SCN3A: variants seen among roughly 807,000 people sequenced by gnomAD.
SCN3A encodes sodium channel protein type 3 subunit alpha.
Under a neutral mutation model 187.6 loss-of-function variants are expected in SCN3A, and 60 were observed. That is an observed-to-expected ratio of 0.32 (90% confidence interval 0.26 to 0.40). SCN3A has a LOEUF of 0.40. SCN3A is among the 10% of genes least tolerant of loss of function. SCN3A has a pLI of 1.00. For synonymous variants in SCN3A, 788 were observed against 829.2 expected (o/e 0.95, Z 0.85); for missense variants, 1,601 against 2,428.2 (o/e 0.66, Z 7.16).
At chr2:165,111,484 TACACACACACACACACAC>T (rs60417556) in intron 21 of SCN3A, among the ~76,000 whole-genome samples, 4,290 of 142,600 alleles carry the variant, frequency 0.03, 195 homozygotes, top group African/African-American at 0.1. Context: ...GCCAGTCTGA[TACACACACACACACACAC>T]ACACACACAC....
At chr2:165,201,760 T>C (rs899122424) in intron 1 of SCN3A, among the ~76,000 whole-genome samples, 5 of 152,062 alleles carry the variant, frequency 3.3e-5, no homozygotes, top group African/African-American at 1.2e-4. Flanking sequence ...CCTATTTCTC[T>C]ATTTTACCAC....
intron 4 of SCN3A, among the ~76,000 whole-genome samples, 160 bp downstream of exon 4, chr2:165,170,270 C>T (rs955920003): frequency 3.0e-4 from 46 of 151,880 alleles, no homozygotes; most frequent in African/African-American, 8.9e-4. Context: ...ATAATACTCT[C>T]ATTATAAATA....
chr2:165,123,739 G>A (rs1014373167), intron 18 of SCN3A, among the ~76,000 whole-genome samples: 3 of 152,134 alleles, frequency 2.0e-5, no homozygotes, highest in Admixed American at 6.5e-5. Context: ...GCCAATATAA[G>A]TGTGCACCTG....
intron 10 of SCN3A, among the ~76,000 whole-genome samples, chr2:165,155,024 C>T (rs1688932563): frequency 6.6e-6 from 1 of 152,112 alleles, no homozygotes; most frequent in East Asian, 1.9e-4. Context: ...TTCTCCATAC[C>T]ATCTATAGAT....
chr2:165,119,486 AC>A (rs2105732130), intron 18 of SCN3A, among the ~76,000 whole-genome samples: 1 of 152,266 alleles, frequency 6.6e-6, no homozygotes, highest in African/African-American at 2.4e-5. Flanking sequence ...ACTAATGTAC[AC>A]CCTGAAAAAC....
rs1486161932 is a variant in SCN3A, at chr2:165,177,390, TC to T, written c.-50-947del. On this transcript the variant is annotated intron_variant, in intron 2 of 27. Coordinates refer to ENST00000283254, the MANE Select transcript of SCN3A (RefSeq NM_006922.4). The stretch of plus-strand genomic sequence containing the variant: ...AATGAGGGTAGTAGGGAAACTGACT[TC>T]CTGGGTTATCATAAGGAATAAATGA... Among the ~76,000 whole-genome samples, 4 of 152,306 alleles carry T rather than the reference TC, an allele frequency of 2.6e-5. No homozygotes were observed. The East Asian group carries it at 7.7e-4, about 29-fold the overall frequency.
intron 1 of SCN3A, among the ~76,000 whole-genome samples, chr2:165,196,652 T>C (rs1691985144): frequency 6.6e-6 from 1 of 152,150 alleles, no homozygotes; most frequent in African/African-American, 2.4e-5. Flanking sequence ...TTTTAAGAAA[T>C]GCAATTAATT....
At position 165,127,885 on chromosome 2, in the gene SCN3A, T is replaced by C; in HGVS notation, c.3139A>G (p.Ser1047Gly). Residue 1047 changes from serine to glycine, a missense_variant, in exon 18 of 28, where the codon AGC becomes GGC. Around this residue, in one of 11 missense-constraint regions of SCN3A, gnomAD observed 267 missense variants for 313.2 expected, o/e 0.85. Coordinates refer to ENST00000283254, the MANE Select transcript of SCN3A (RefSeq NM_006922.4). ...IEIHEGNKID[S>G]CMSNNTGIEI... ...ATTCCAGTATTATTGGACATGCAGCTGTCTATCTTATTGCCTTCATGGATT... is the reference window on the plus strand; with the variant it reads ...ATTCCAGTATTATTGGACATGCAGCCGTCTATCTTATTGCCTTCATGGATT... The C allele has an allele frequency of 6.2e-7, 1 of 1,614,226 alleles. No individual in the cohort carries two copies. Among genetic ancestry groups the C allele is most frequent in the Middle Eastern group, 1.6e-4 (1 of 6,062 alleles).
chr2:165,099,405 A>G (rs1574105021), intron 22 of SCN3A, among the ~76,000 whole-genome samples: 1 of 152,300 alleles, frequency 6.6e-6, no homozygotes, highest in Non-Finnish European at 1.5e-5. Flanking sequence ...AGAATGCTCA[A>G]TTAGAAAAAA....
At chr2:165,135,847 T>G (rs1687631671) in intron 15 of SCN3A, among the ~76,000 whole-genome samples, 1 of 152,118 alleles carries the variant, frequency 6.6e-6, no homozygotes, top group Non-Finnish European at 1.5e-5. Context: ...CTCAAGTCTG[T>G]TCCCTATAAT....
intron 10 of SCN3A, among the ~76,000 whole-genome samples, chr2:165,155,177 T>C (rs1326490567): frequency 6.6e-6 from 1 of 152,216 alleles, no homozygotes; most frequent in Admixed American, 6.5e-5. Context: ...CTAAGAGTCA[T>C]GAGCATCTCC....
chr2:165,141,793 A>G (rs774978692), intron 12 of SCN3A, among the ~76,000 whole-genome samples: 3 of 152,254 alleles, frequency 2.0e-5, no homozygotes, highest in Non-Finnish European at 2.9e-5. Context: ...AGCAAGACAT[A>G]TAACATGACT....
chr2:165,177,112 T>C (rs956997784), intron 2 of SCN3A, among the ~76,000 whole-genome samples: 2 of 152,194 alleles, frequency 1.3e-5, no homozygotes, highest in African/African-American at 4.8e-5. Context: ...ATCTTTAGTA[T>C]TTCCTTTCTT....
chr2:165,130,130 C>T lies in SCN3A; in HGVS notation c.2732G>A (p.Cys911Tyr). Residue 911 changes from cysteine to tyrosine, a missense_variant, in exon 17 of 28, where the codon TGT (cysteine) becomes TAT (tyrosine). Around this residue, in one of 11 missense-constraint regions of SCN3A, gnomAD observed 91 missense variants for 207.0 expected, o/e 0.44. Transcript: ENST00000283254. ...MQLFGKSYKE[C>Y]VCKINDDCTL... ...ACAGTCATCATTGATCTTGCAGACA[C>T]ATTCTTTGTAGCTCTTACCAAAGAG... The T allele has an allele frequency of 6.2e-7, 1 of 1,614,188 alleles. No homozygotes were observed. Among genetic ancestry groups the T allele is most frequent in the Non-Finnish European group, 8.5e-7 (1 of 1,180,032 alleles).
At chr2:165,105,393 A>C (rs866449599) in intron 21 of SCN3A, among the ~76,000 whole-genome samples, 1 of 152,280 alleles carries the variant, frequency 6.6e-6, no homozygotes. Context: ...CATGGTATTT[A>C]AGCTCAGTAT....
chr2:165,117,647 T>A (rs572792512), intron 18 of SCN3A, among the ~76,000 whole-genome samples: 1 of 152,266 alleles, frequency 6.6e-6, no homozygotes, highest in East Asian at 1.9e-4. Flanking sequence ...AATGTCACTT[T>A]ATAGAGAGAA....
In SCN3A at chr2:165,176,286, G is replaced by C; in HGVS notation, c.109C>G (p.Pro37Ala). 1 of 1,613,924 alleles carries C rather than the reference G, an allele frequency of 6.2e-7. No individual in the cohort carries two copies. Among genetic ancestry groups the C allele is most frequent in the East Asian group, 2.2e-5 (1 of 44,878 alleles). ...TCATCATTATCTTGTTCCTTTTTGG[G>C]CTTCTTGGCTTTCTCTTCTGCAGCA... ...KRAAEEKAKK[P>A]KKEQDNDDEN... Residue 37 changes from proline (P) to alanine (A), a missense_variant, in exon 3 of 28, where the codon CCC (proline) becomes GCC (alanine). By Grantham distance (27) the Pro-to-Ala change is conservative (BLOSUM62 -1). Transcript: ENST00000283254.
chr2:165,180,437 G>A (rs1690772426), intron 2 of SCN3A, among the ~76,000 whole-genome samples: 2 of 152,138 alleles, frequency 1.3e-5, no homozygotes, highest in Non-Finnish European at 2.9e-5. Context: ...AGAGAGGTAT[G>A]GTTTGGAGAA....
intron 22 of SCN3A, among the ~76,000 whole-genome samples, chr2:165,099,862 A>G (rs1440683540): frequency 2.6e-5 from 4 of 152,224 alleles, no homozygotes; most frequent in African/African-American, 4.8e-5. Context: ...AATTTTTATT[A>G]CTGATATTAA....
Sources: allele counts gnomAD v4.1 joint callset (sites outside exome capture counted in the v4.1 genomes callset), GRCh38; gene constraint gnomAD v4.1.1; regional missense constraint gnomAD v4.1.1; transcripts MANE v1.5; gene names NCBI Gene and HGNC (gene_info 2026-07-23, HGNC 2026-07-21).